Variants in CYYR1 observed in about 807,000 individuals in gnomAD.
CYYR1 encodes the protein cysteine and tyrosine rich 1.
CYYR1 carries 14 observed loss-of-function variants against 15.2 expected under a neutral mutation model. The observed-to-expected ratio is 0.92, with a 90% CI of 0.61 to 1.44. The LOEUF (loss-of-function observed/expected upper bound fraction) is 1.44, where lower values mean the gene tolerates loss of function less well. Among genes scored for constraint, CYYR1 ranks in the 40% most tolerant of loss-of-function variants. The pLI is 0.00. For synonymous variants in CYYR1, 80 were observed against 77.4 expected (o/e 1.03, Z -0.18); for missense variants, 228 against 209.5 (o/e 1.09, Z -0.54).
intron 2 of CYYR1, among the ~76,000 whole-genome samples, chr21:26,527,182 AGC>A (rs979914632): frequency 1.3e-5 from 2 of 152,168 alleles, no homozygotes; most frequent in Admixed American, 6.5e-5. Context: ...AACAAATTAG[AGC>A]TACAGTAAAG....
intron 2 of CYYR1, 147 bp from the exon 3 acceptor site, chr21:26,480,576 TAA>T: frequency 2.5e-6 from 2 of 803,018 alleles, no homozygotes; most frequent in Non-Finnish European, 3.6e-6. Flanking sequence ...TTTTTTTTTT[TAA>T]AACCCATAAG....
chr21:26,477,337 T>C (rs2065118067), intron 3 of CYYR1, among the ~76,000 whole-genome samples: 1 of 152,196 alleles, frequency 6.6e-6, no homozygotes, highest in Non-Finnish European at 1.5e-5. Context: ...AAATGAGAAG[T>C]AATCATGCAC....
chr21:26,480,348 C>G lies in CYYR1; in HGVS notation c.258G>C (p.Met86Ile). The change falls in exon 3 of 4, where the codon ATG becomes ATC. Residue 86 changes from methionine (M) to isoleucine (I), a missense_variant. Physicochemically the swap from Met to Ile is conservative, Grantham distance 10. Coordinates refer to ENST00000652641, the MANE Select transcript of CYYR1 (RefSeq NM_001320768.2). ...VIAGIAICICMCMKNHRATRV... is the reference protein window; with the variant it reads ...VIAGIAICICICMKNHRATRV... ...GGGTCGCCCTGTGGTTCTTCATGCA[C>G]ATGCAGATGCATATGGCAATCCCAG... is the stretch of plus-strand genomic sequence containing the variant. 1 of 1,613,608 alleles carries G rather than the reference C, an allele frequency of 6.2e-7. No individual in the cohort carries two copies. The highest frequency in any genetic ancestry group is 8.5e-7 in the Non-Finnish European group (1 of 1,179,696).
chr21:26,572,359 T>C (rs1216906298), intron 1 of CYYR1, among the ~76,000 whole-genome samples: 1 of 152,226 alleles, frequency 6.6e-6, no homozygotes, highest in African/African-American at 2.4e-5. Context: ...TCAACGAACC[T>C]GTACAGATTA....
chr21:26,514,065 AT>A (rs1293644261), intron 2 of CYYR1, among the ~76,000 whole-genome samples: 1 of 77,562 alleles, frequency 1.3e-5, no homozygotes, highest in Non-Finnish European at 2.4e-5. Flanking sequence ...AAGTATAATA[AT>A]AAAAAAAAAA....
intron 2 of CYYR1, among the ~76,000 whole-genome samples, chr21:26,511,508 A>G (rs1043724440): frequency 6.6e-6 from 1 of 152,238 alleles, no homozygotes; most frequent in African/African-American, 2.4e-5. Context: ...CAGACAGCAT[A>G]TCAACAATGA....
At chr21:26,540,475 G>A (rs116535419) in intron 2 of CYYR1, among the ~76,000 whole-genome samples, 2,928 of 152,210 alleles carry the variant, frequency 0.019, 106 homozygotes, top group African/African-American at 0.067. Flanking sequence ...GGGAAATCAT[G>A]CAAAGGAGAA....
intron 2 of CYYR1, chr21:26,564,900 C>A (rs575856527): frequency 3.6e-6 from 3 of 829,596 alleles, no homozygotes; most frequent in South Asian, 2.4e-5. Flanking sequence ...TTAAATACTG[C>A]GAAGTAATAT....
At chr21:26,570,906 A>G (rs920191603) in intron 1 of CYYR1, among the ~76,000 whole-genome samples, 5 of 152,178 alleles carry the variant, frequency 3.3e-5, no homozygotes, top group South Asian at 2.1e-4. Flanking sequence ...CAGGGCGTCT[A>G]TATTTTTCAA....
At chr21:26,526,879 C>G (rs222935) in intron 2 of CYYR1, among the ~76,000 whole-genome samples, 1 of 152,052 alleles carries the variant, frequency 6.6e-6, no homozygotes, top group African/African-American at 2.4e-5. Flanking sequence ...AAGGAAGGTG[C>G]AAGCATTTAA....
intron 2 of CYYR1, among the ~76,000 whole-genome samples, chr21:26,499,624 G>T (rs1269120422): frequency 3.9e-5 from 6 of 152,176 alleles, no homozygotes; most frequent in Non-Finnish European, 8.8e-5. Flanking sequence ...AGTAGTGCAG[G>T]ACCTAACAAT....
chr21:26,492,402 T>A (rs769477076), intron 2 of CYYR1, among the ~76,000 whole-genome samples: 1 of 151,996 alleles, frequency 6.6e-6, no homozygotes, highest in African/African-American at 2.4e-5. Context: ...GAGAAAGACA[T>A]GAGGGAAATA....
intron 2 of CYYR1, among the ~76,000 whole-genome samples, chr21:26,517,145 G>GA (rs2065742040): frequency 1.2e-4 from 6 of 48,060 alleles, no homozygotes; most frequent in African/African-American, 1.8e-4. Context: ...AAAAAAAAAA[G>GA]AATTCACTGG....
intron 2 of CYYR1, among the ~76,000 whole-genome samples, chr21:26,535,703 C>A (rs796799073): frequency 6.6e-6 from 1 of 152,176 alleles, no homozygotes; most frequent in African/African-American, 2.4e-5. Flanking sequence ...CTTTTCCATA[C>A]CTGTGCTGCC....
intron 2 of CYYR1, among the ~76,000 whole-genome samples, chr21:26,554,423 AG>A (rs1449405565): frequency 1.3e-5 from 2 of 152,114 alleles, no homozygotes; most frequent in African/African-American, 4.8e-5. Context: ...CTAATTCACA[AG>A]CCAGCCTAGG....
intron 2 of CYYR1, chr21:26,506,861 C>G (rs1346918472): frequency 6.6e-6 from 1 of 151,904 alleles, no homozygotes; most frequent in Non-Finnish European, 1.5e-5. Flanking sequence ...GCAAAGAAGC[C>G]CTTAGTGACC....
intron 2 of CYYR1, among the ~76,000 whole-genome samples, chr21:26,537,526 T>C (rs1381951576): frequency 6.6e-6 from 1 of 152,178 alleles, no homozygotes; most frequent in Non-Finnish European, 1.5e-5. Context: ...TCAGTGATTC[T>C]GGCTGGCAGA....
At chr21:26,485,961 T>A (rs148362386) in intron 2 of CYYR1, among the ~76,000 whole-genome samples, 1 of 152,138 alleles carries the variant, frequency 6.6e-6, no homozygotes, top group Non-Finnish European at 1.5e-5. Flanking sequence ...ATCTGTTTTT[T>A]AGCTGTTTTA....
At chr21:26,512,342 G>A (rs1367247173) in intron 2 of CYYR1, among the ~76,000 whole-genome samples, 1 of 152,024 alleles carries the variant, frequency 6.6e-6, no homozygotes, top group Non-Finnish European at 1.5e-5. Context: ...GGGATTACAG[G>A]CGCATGCCAC....
Sources: allele counts gnomAD v4.1 joint callset (sites outside exome capture counted in the v4.1 genomes callset), GRCh38; gene constraint gnomAD v4.1.1; transcripts MANE v1.5; gene names NCBI Gene and HGNC (gene_info 2026-07-23, HGNC 2026-07-21).